NOVA1: variants seen among roughly 807,000 people sequenced by gnomAD.
NOVA1 encodes the protein RNA-binding protein Nova-1.
A neutral mutation model predicts 38.0 loss-of-function variants in NOVA1; 7 were observed. That is an observed-to-expected ratio of 0.18 (90% CI 0.10 to 0.35). The LOEUF is 0.35. Ranked by LOEUF, NOVA1 falls within the 10% of genes least tolerant of loss-of-function variation. The pLI is 1.00. For missense variants in NOVA1, 460 were observed against 616.0 expected, an observed-to-expected ratio of 0.75 and a Z score of 2.68; for synonymous variants, 270 against 232.5, an observed-to-expected ratio of 1.16 and a Z score of -1.47.
chr14:26,571,709 A>G (rs1025408422), intron 2 of NOVA1, among the ~76,000 whole-genome samples: 4 of 152,338 alleles, frequency 2.6e-5, no homozygotes, highest in African/African-American at 9.6e-5. Context: ...AAAGCATGCA[A>G]CCTATGAGAG....
chr14:26,547,247 A>C (rs1890849153), intron 2 of NOVA1, among the ~76,000 whole-genome samples: 1 of 152,106 alleles, frequency 6.6e-6, no homozygotes. Flanking sequence ...AGTATGAGGA[A>C]GGCCCTTTGA....
In NOVA1 at chr14:26,480,136, A is replaced by G. The variant is rs1594369528; in HGVS notation, c.288T>C (p.Thr96=). The G allele has an allele frequency of 3.1e-6, 5 of 1,610,194 alleles. No individual in the cohort carries two copies. Among genetic ancestry groups the G allele is most frequent in the Non-Finnish European group, 4.2e-6 (5 of 1,178,482 alleles). ...TTCCCTGGATCAAGCACACTCGCTC[A>G]GTAGTACCTGTGGATAAAACATTGA... ...SKSKDFYPGT[T]ERVCLIQGTV... is the part of the protein sequence containing the mutation. Residue 96 remains threonine, a synonymous_variant, in exon 3 of 5, where the codon ACT becomes ACC. Coordinates refer to ENST00000539517, the MANE Select transcript of NOVA1 (RefSeq NM_002515.3).
At chr14:26,594,179 G>GT (rs1444536605) in intron 2 of NOVA1, 3 of 151,908 alleles carry the variant, frequency 2.0e-5, no homozygotes, top group Non-Finnish European at 4.4e-5. Flanking sequence ...GGAACATCGT[G>GT]TCTAATATAT....
rs147386544 is a variant in NOVA1, at chr14:26,506,538, G to A, written c.281-26395C>T. Among the ~76,000 whole-genome samples the A allele has an allele frequency of 8.2e-3, 1,255 of 152,190 alleles. 15 individuals carry two copies. The highest frequency in any genetic ancestry group is 0.024 in the Admixed American group (369 of 15,300). ...AATCAAGAAAATCTTAATCAGTGCA[G>A]ACCTTAAATCTGAATGGCCTCTGCA... is the stretch of plus-strand genomic sequence containing the variant. On this transcript the variant is annotated intron_variant, in intron 2 of 4. Transcript: ENST00000539517.
In NOVA1 at chr14:26,443,577, A is replaced by T. The variant is rs1030208219; in HGVS notation, c.*4382T>A. ...GAAAGAAAAGTTATTTATTTGGGGCACATATCTGATGAAACAAAAAATAAC... is the reference window on the plus strand; with the variant it reads ...GAAAGAAAAGTTATTTATTTGGGGCTCATATCTGATGAAACAAAAAATAAC... On this transcript the variant is annotated 3_prime_UTR_variant, in exon 5 of 5. Coordinates refer to ENST00000539517, the MANE Select transcript of NOVA1 (RefSeq NM_002515.3). 1 of 152,278 alleles carries T rather than the reference A, an allele frequency of 6.6e-6. No individual in the cohort carries two copies. The highest frequency in any genetic ancestry group is 2.4e-5 in the African/African-American group (1 of 41,414). 9.4% of individuals were successfully genotyped at this position (152,278 alleles called of 1,614,324 possible). A position where few individuals can be genotyped will look rare whatever the true frequency, so the allele number is the denominator to read the frequency against.
chr14:26,525,811 ACT>A (rs977797298), intron 2 of NOVA1, among the ~76,000 whole-genome samples: 3 of 151,356 alleles, frequency 2.0e-5, no homozygotes, highest in African/African-American at 7.3e-5. Context: ...TTTCATCTCT[ACT>A]CTTTTTCTGA....
At position 26,462,107 on chromosome 14, in the gene NOVA1, G is replaced by A. The variant is rs574094150; in HGVS notation, c.519+10213C>T. On this transcript the variant is annotated intron_variant, in intron 4 of 4. Coordinates refer to ENST00000539517, the MANE Select transcript of NOVA1 (RefSeq NM_002515.3). ...TTTGTAAATTCAGTGTGCCCTAAGC[G>A]TATAGTGTTTATAGTCTACAGCAGT... Among the ~76,000 whole-genome samples, 4 of 151,876 alleles carry A rather than the reference G, an allele frequency of 2.6e-5. No individual in the cohort carries two copies. The South Asian group carries it at 6.2e-4, about 24-fold the overall frequency.
At chr14:26,560,420 T>C (rs184328823) in intron 2 of NOVA1, among the ~76,000 whole-genome samples, 122 of 152,246 alleles carry the variant, frequency 8.0e-4, no homozygotes, top group Non-Finnish European at 1.4e-3. Flanking sequence ...CTTTTGGGGA[T>C]AAAAATCAAG....
At chr14:26,490,101 A>G (rs1886222401) in intron 2 of NOVA1, among the ~76,000 whole-genome samples, 1 of 152,204 alleles carries the variant, frequency 6.6e-6, no homozygotes. Context: ...TATAAATGGA[A>G]TCACACAATA....
intron 2 of NOVA1, among the ~76,000 whole-genome samples, chr14:26,544,580 ATTT>A (rs1229206824): frequency 1.3e-5 from 2 of 152,080 alleles, no homozygotes; most frequent in East Asian, 3.9e-4. Flanking sequence ...TAGAAAAGAC[ATTT>A]TATATTGGAG....
chr14:26,597,187 G>A, intron 1 of NOVA1, 114 bp downstream of exon 1: 2 of 1,167,152 alleles, frequency 1.7e-6, no homozygotes, highest in Non-Finnish European at 2.1e-6. Context: ...TCGGGCTGGA[G>A]GTGTCCGGGC....
Position 26,507,892 on chromosome 14 carries a change from AAAAAC to A in NOVA1, c.281-27754_281-27750del, listed in dbSNP as rs755434025. On this transcript the variant is annotated intron_variant, in intron 2 of 4. Transcript: ENST00000539517. ...CAAAACAAAAACATACAACAAAAACAAAAACAAAACAAAACAAAAAAACAGGCTGC... is the reference window on the plus strand; with the variant it reads ...CAAAACAAAAACATACAACAAAAACAAAAACAAAACAAAAAAACAGGCTGC... Among the ~76,000 whole-genome samples, 41 of 152,208 alleles carry A rather than the reference AAAAAC, an allele frequency of 2.7e-4. No homozygotes were observed. The East Asian group carries it at 6.4e-3, about 24-fold the overall frequency.
At chr14:26,592,359 GAT>G (rs1893904475) in intron 2 of NOVA1, among the ~76,000 whole-genome samples, 1 of 148,392 alleles carries the variant, frequency 6.7e-6, no homozygotes, top group Non-Finnish European at 1.5e-5. Context: ...GTTATAAAAA[GAT>G]ATATAAGTAA....
intron 2 of NOVA1, among the ~76,000 whole-genome samples, chr14:26,540,459 A>G (rs1346181647): frequency 6.6e-6 from 1 of 152,202 alleles, no homozygotes; most frequent in Non-Finnish European, 1.5e-5. Context: ...GAATTAGATG[A>G]CTTTTGCCAC....
At chr14:26,578,146 A>G (rs562026561) in intron 2 of NOVA1, among the ~76,000 whole-genome samples, 71 of 152,282 alleles carry the variant, frequency 4.7e-4, no homozygotes, top group Non-Finnish European at 7.1e-4. Flanking sequence ...CTGAGAACTG[A>G]CCACTGAATA....
intron 2 of NOVA1, among the ~76,000 whole-genome samples, chr14:26,587,966 G>T (rs1463571149): frequency 2.0e-5 from 3 of 150,902 alleles, no homozygotes; most frequent in African/African-American, 7.3e-5. Context: ...TTTAAAATCA[G>T]AATGATTTTT....
chr14:26,491,811 T>C (rs866223287), intron 2 of NOVA1, among the ~76,000 whole-genome samples: 2 of 152,210 alleles, frequency 1.3e-5, no homozygotes, highest in Non-Finnish European at 2.9e-5. Context: ...CTAATGACAG[T>C]ACCAGACTCT....
chr14:26,597,112 G>T, intron 1 of NOVA1, 189 bp downstream of exon 1: 1 of 1,227,132 alleles, frequency 8.1e-7, no homozygotes, highest in Non-Finnish European at 1.0e-6. Flanking sequence ...ATGTGTCGGG[G>T]ACACCTAGGC....
chr14:26,538,882 G>A (rs1373766004), intron 2 of NOVA1, among the ~76,000 whole-genome samples: 1 of 152,058 alleles, frequency 6.6e-6, no homozygotes, highest in Non-Finnish European at 1.5e-5. Flanking sequence ...CTGAAGGATA[G>A]CCAACCCACA....
Sources: gnomAD v4.1 joint callset for allele counts (sites outside exome capture counted in the v4.1 genomes callset) on GRCh38, gnomAD v4.1.1 for gene constraint, MANE v1.5 for transcripts, NCBI Gene and HGNC (gene_info 2026-07-23, HGNC 2026-07-21) for gene names.